ZDHHC9: variants seen among roughly 807,000 people sequenced by gnomAD.
ZDHHC9 encodes zDHHC palmitoyltransferase 9, also known as palmitoyltransferase ZDHHC9.
Under a neutral mutation model 26.6 loss-of-function variants are expected in ZDHHC9, and 3 were observed. The observed-to-expected ratio is 0.11, with a 90% confidence interval of 0.05 to 0.29. The LOEUF (loss-of-function observed/expected upper bound fraction) is 0.29, where lower values mean the gene tolerates loss of function less well. ZDHHC9 is among the 10% of genes least tolerant of loss of function. ZDHHC9 has a pLI of 1.00. For synonymous variants in ZDHHC9, 111 were observed against 109.4 expected (o/e 1.01, Z -0.09); for missense variants, 146 against 296.4 (o/e 0.49, Z 3.73).
rs764158413 is a variant in ZDHHC9, at chrX:129,821,455, C to T, written c.487+2224G>A. 2.5e-3 allele frequency among the ~76,000 whole-genome samples: 274 copies of T among 107,939 alleles called. 1 individual carries two copies. Among genetic ancestry groups the T allele is most frequent in the Non-Finnish European group, 4.0e-3 (210 of 52,049 alleles). The allele number at this position is 107,939 out of a possible 115,157, so 93.7% of individuals were successfully genotyped here. ...CTACAGGCGCCCACCACCACGTCCCCTAATTTTTTGTATTTTTAGTAGAGA... is the reference window on the plus strand; with the variant it reads ...CTACAGGCGCCCACCACCACGTCCCTTAATTTTTTGTATTTTTAGTAGAGA... On this transcript the variant is annotated intron_variant, in intron 5 of 10. Coordinates refer to ENST00000357166, the MANE Select transcript of ZDHHC9 (RefSeq NM_016032.4).
chrX:129,825,833 C>A (rs1021702715), intron 4 of ZDHHC9, among the ~76,000 whole-genome samples: 5 of 111,642 alleles, frequency 4.5e-5, no homozygotes, highest in African/African-American at 1.6e-4. Context: ...AAATGATGCA[C>A]CAAAAATCCT....
rs945028337 is a variant in ZDHHC9, at chrX:129,811,065, G to A, written c.882-64C>T. The A allele has an allele frequency of 4.0e-5, 40 of 988,140 alleles. No homozygotes were observed. In the Admixed American group the frequency reaches 9.2e-4, roughly 23 times the overall value. The allele number at this position is 988,140 out of a possible 1,213,427, so 81.4% of individuals were successfully genotyped here. A position where few individuals can be genotyped will look rare whatever the true frequency, so the allele number is the denominator to read the frequency against. On this transcript the variant is annotated intron_variant, in intron 9 of 10. Transcript: ENST00000357166. Reference sequence around the variant, plus strand: ...CACCCCTCCACCCACCTGGCCTACGGAATTTTGCTGCATAGACTGGAAAAT... The same window carrying A: ...CACCCCTCCACCCACCTGGCCTACGAAATTTTGCTGCATAGACTGGAAAAT...
intron 8 of ZDHHC9, 130 bp downstream of exon 8, chrX:129,812,588 C>A (rs1357353497): frequency 1.7e-6 from 1 of 572,513 alleles, no homozygotes; most frequent in Non-Finnish European, 3.1e-6. Flanking sequence ...GACTTAACAA[C>A]CTCGCATACC....
intron 3 of ZDHHC9, among the ~76,000 whole-genome samples, chrX:129,839,572 G>A (rs1173909493): frequency 9.1e-6 from 1 of 110,332 alleles, no homozygotes; most frequent in Non-Finnish European, 1.9e-5. Flanking sequence ...CTATGTGGTG[G>A]ACAGGAAATT....
intron 10 of ZDHHC9, among the ~76,000 whole-genome samples, chrX:129,809,219 A>G (rs1162057697): frequency 8.9e-6 from 1 of 112,117 alleles, no homozygotes; most frequent in Non-Finnish European, 1.9e-5. Context: ...CCAGGTATAT[A>G]GCCAAGAGAA....
chrX:129,812,866 T>TCC, intron 7 of ZDHHC9, 46 bp from the exon 8 acceptor site: 2 of 908,718 alleles, frequency 2.2e-6, no homozygotes, highest in Non-Finnish European at 3.2e-6. Context: ...ATCAGGAGAC[T>TCC]TGATGCCTCC....
intron 10 of ZDHHC9, among the ~76,000 whole-genome samples, chrX:129,810,292 G>A (rs1269907039): frequency 7.5e-5 from 8 of 107,341 alleles, no homozygotes; most frequent in Non-Finnish European, 1.5e-4. Context: ...GTTGCAATGA[G>A]CCGAGATCAC....
At chrX:129,812,625 G>A in intron 8 of ZDHHC9, 93 bp downstream of exon 8, 1 of 783,173 alleles carries the variant, frequency 1.3e-6, no homozygotes, top group Non-Finnish European at 2.0e-6. Context: ...CAACCTCCCA[G>A]GCCCTGGAGA....
chrX:129,827,067 G>A (rs958638850), intron 4 of ZDHHC9, among the ~76,000 whole-genome samples: 1 of 109,564 alleles, frequency 9.1e-6, no homozygotes, highest in Non-Finnish European at 1.9e-5. Flanking sequence ...GGTGGCGGGT[G>A]CCCATAATCC....
chrX:129,829,578 G>C (rs931931484), intron 3 of ZDHHC9, among the ~76,000 whole-genome samples: 3 of 111,674 alleles, frequency 2.7e-5, no homozygotes, highest in Admixed American at 9.5e-5. Context: ...TGATGAAGAG[G>C]GAGAAAAGAT....
intron 5 of ZDHHC9, among the ~76,000 whole-genome samples, chrX:129,819,149 GGA>G (rs754907774): frequency 2.1e-5 from 2 of 96,444 alleles, no homozygotes; most frequent in African/African-American, 8.0e-5. Context: ...CTCCAGACTG[GGA>G]GAGAGAGACA....
At chrX:129,828,919 A>G in intron 4 of ZDHHC9, 62 bp downstream of exon 4, 1 of 1,186,799 alleles carries the variant, frequency 8.4e-7, no homozygotes, top group Non-Finnish European at 1.1e-6. Context: ...TTATGATTCC[A>G]TTCTCTTACT....
chrX:129,837,315 G>A (rs1279043854), intron 3 of ZDHHC9, among the ~76,000 whole-genome samples: 4 of 112,057 alleles, frequency 3.6e-5, no homozygotes, highest in Non-Finnish European at 7.5e-5. Context: ...GACTAGCTGC[G>A]GGGGACAACA....
At chrX:129,821,482 G>A (rs1251155789) in intron 5 of ZDHHC9, among the ~76,000 whole-genome samples, 3 of 107,463 alleles carry the variant, frequency 2.8e-5, no homozygotes, top group Non-Finnish European at 5.8e-5. Context: ...TAGTAGAGAT[G>A]GGGTTTCACC....
intron 10 of ZDHHC9, among the ~76,000 whole-genome samples, chrX:129,808,783 A>G (rs1023820522): frequency 8.9e-6 from 1 of 112,377 alleles, no homozygotes; most frequent in African/African-American, 3.2e-5. Context: ...AAGATAACCC[A>G]TGGAATAGGA....
chrX:129,832,176 A>G (rs192948961), intron 3 of ZDHHC9, among the ~76,000 whole-genome samples: 4 of 109,554 alleles, frequency 3.7e-5, no homozygotes, highest in African/African-American at 1.3e-4. Context: ...ATATATATAT[A>G]AAATATTTGT....
At chrX:129,813,140 T>C (rs2124103769) in intron 7 of ZDHHC9, among the ~76,000 whole-genome samples, 1 of 112,464 alleles carries the variant, frequency 8.9e-6, no homozygotes, top group African/African-American at 3.2e-5. Flanking sequence ...ACAAAATTCA[T>C]GTAATCCCGG....
At chrX:129,815,153 C>A (rs1447672035) in intron 5 of ZDHHC9, among the ~76,000 whole-genome samples, 4 of 110,899 alleles carry the variant, frequency 3.6e-5, no homozygotes, top group Non-Finnish European at 1.9e-5. Flanking sequence ...GAAGAATAAA[C>A]AGGTCAAAAT....
At chrX:129,825,372 A>G (rs763262383) in intron 4 of ZDHHC9, among the ~76,000 whole-genome samples, 1 of 111,976 alleles carries the variant, frequency 8.9e-6, no homozygotes, top group Non-Finnish European at 1.9e-5. Flanking sequence ...TTTTTGGCGT[A>G]TTTCCTTCTA....
Sources: gnomAD v4.1 joint callset for allele counts (sites outside exome capture counted in the v4.1 genomes callset) on GRCh38, gnomAD v4.1.1 for gene constraint, MANE v1.5 for transcripts, NCBI Gene and HGNC (gene_info 2026-07-23, HGNC 2026-07-21) for gene names.